The following ZNRF1 variants were observed in gnomAD, a reference collection of about 807,000 sequenced individuals.
ZNRF1 encodes the protein zinc and ring finger 1.
In ZNRF1, 3 loss-of-function variants were observed where a neutral mutation model predicts 18.4. The ratio of observed to expected loss-of-function variants is 0.16; its 90% CI spans 0.07 to 0.42. The LOEUF (loss-of-function observed/expected upper bound fraction) is 0.42. Among genes scored for constraint, ZNRF1 ranks in the 10% least tolerant of loss-of-function variants. ZNRF1 has a pLI of 0.99. For missense variants in ZNRF1, 310 were observed against 329.8 expected (o/e 0.94, Z 0.47); for synonymous variants, 157 against 144.2 (o/e 1.09, Z -0.64).
At chr16:75,021,389 G>A (rs980552328) in intron 1 of ZNRF1, among the ~76,000 whole-genome samples, 1 of 152,140 alleles carries the variant, frequency 6.6e-6, no homozygotes, top group Non-Finnish European at 1.5e-5. Context: ...CTTATTTGAT[G>A]AAGTCTGCTT....
intron 1 of ZNRF1, among the ~76,000 whole-genome samples, chr16:75,025,455 A>G (rs1196210087): frequency 4.6e-5 from 7 of 151,966 alleles, no homozygotes; most frequent in South Asian, 2.1e-4. Flanking sequence ...CTCCCTGACT[A>G]TCCCCCCAAA....
intron 1 of ZNRF1, among the ~76,000 whole-genome samples, chr16:75,011,484 TA>T (rs1415924535): frequency 6.6e-6 from 1 of 152,154 alleles, no homozygotes; most frequent in Non-Finnish European, 1.5e-5. Context: ...CCTCCTACCC[TA>T]GCCTCCTGAG....
chr16:75,015,427 G>T (rs1423913306), intron 1 of ZNRF1, among the ~76,000 whole-genome samples: 4 of 152,108 alleles, frequency 2.6e-5, no homozygotes, highest in African/African-American at 9.7e-5. Context: ...AATACAAAAT[G>T]AGCTGGGCGT....
At chr16:75,075,237 T>C (rs1868304168) in intron 1 of ZNRF1, among the ~76,000 whole-genome samples, 1 of 152,248 alleles carries the variant, frequency 6.6e-6, no homozygotes, top group Admixed American at 6.5e-5. Context: ...CTGCCAGCAG[T>C]ACTGTCAAGG....
intron 1 of ZNRF1, among the ~76,000 whole-genome samples, chr16:75,032,104 G>GTTTTTTTTTT (rs1162819265): frequency 9.2e-6 from 1 of 108,660 alleles, no homozygotes; most frequent in Non-Finnish European, 1.8e-5. Flanking sequence ...TTCTTGTGAG[G>GTTTTTTTTTT]TTTTTTTTTT....
chr16:75,049,069 A>G (rs910366935), intron 1 of ZNRF1, among the ~76,000 whole-genome samples: 16 of 151,406 alleles, frequency 1.1e-4, no homozygotes, highest in Admixed American at 1.3e-4. Flanking sequence ...CAATGGTGCA[A>G]TCTCAGCTCA....
Position 75,035,842 on chromosome 16 carries a change from G to A in ZNRF1, c.424+35747G>A, listed in dbSNP as rs539890934. On this transcript the variant is annotated intron_variant, in intron 1 of 4. Coordinates refer to ENST00000335325, the MANE Select transcript of ZNRF1 (RefSeq NM_032268.5). ...CTTGAGGCATTCCTTTACCAGCTAA[G>A]TGTTCCTAGAGAAAGGTCATAAACT... Among the ~76,000 whole-genome samples, 3 of 152,284 alleles carry A rather than the reference G, an allele frequency of 2.0e-5. No individual in the cohort carries two copies. The South Asian group carries it at 6.2e-4, about 32-fold the overall frequency.
chr16:75,016,617 C>T (rs2035074258), intron 1 of ZNRF1, among the ~76,000 whole-genome samples: 2 of 151,720 alleles, frequency 1.3e-5, no homozygotes, highest in Non-Finnish European at 2.9e-5. Flanking sequence ...CTGACTGCAA[C>T]GTCTGCCTCC....
intron 2 of ZNRF1, among the ~76,000 whole-genome samples, chr16:75,100,424 CAA>C (rs1272096667): frequency 6.6e-6 from 1 of 152,030 alleles, no homozygotes; most frequent in African/African-American, 2.4e-5. Flanking sequence ...AGGTTCGGTG[CAA>C]AAAGAGAGTC....
At chr16:75,006,460 G>C (rs1194651648) in intron 1 of ZNRF1, among the ~76,000 whole-genome samples, 1 of 152,146 alleles carries the variant, frequency 6.6e-6, no homozygotes, top group Non-Finnish European at 1.5e-5. Flanking sequence ...TATTGAGACA[G>C]AGTCTCACTC....
In ZNRF1 at chr16:75,003,909, A is replaced by T. The variant is rs1355372114; in HGVS notation, c.424+3814A>T. Among the ~76,000 whole-genome samples the T allele has an allele frequency of 3.3e-5, 5 of 152,072 alleles. No homozygotes were observed. In the East Asian group the frequency reaches 9.7e-4, roughly 29 times the overall value. On this transcript the variant is annotated intron_variant, in intron 1 of 4. Coordinates refer to ENST00000335325, the MANE Select transcript of ZNRF1 (RefSeq NM_032268.5). Reference sequence around the variant, plus strand: ...GGACATTCTAAATGGAGAGTGGTGGAGTTCCTATGGGGGCACTCTCTTATA... The same window carrying T: ...GGACATTCTAAATGGAGAGTGGTGGTGTTCCTATGGGGGCACTCTCTTATA...
intron 2 of ZNRF1, chr16:75,095,054 C>A (rs1433175905): frequency 6.6e-6 from 1 of 152,492 alleles, no homozygotes; most frequent in East Asian, 1.9e-4. Context: ...TAGGAGGGAT[C>A]ATGGTCTCAG....
At chr16:75,064,510 C>T (rs1386521936) in intron 1 of ZNRF1, among the ~76,000 whole-genome samples, 6 of 147,594 alleles carry the variant, frequency 4.1e-5, no homozygotes, top group Admixed American at 2.0e-4. Flanking sequence ...GAGCCAAGAT[C>T]GTGCCATTGC....
chr16:75,051,841 T>C (rs72800346), intron 1 of ZNRF1, among the ~76,000 whole-genome samples: 12,146 of 152,262 alleles, frequency 0.08, 616 homozygotes, highest in Middle Eastern at 0.12. Context: ...TATGTTTGTT[T>C]AATCATCACA....
chr16:75,030,206 A>G (rs1402723827), intron 1 of ZNRF1, among the ~76,000 whole-genome samples: 2 of 152,222 alleles, frequency 1.3e-5, no homozygotes, highest in Non-Finnish European at 2.9e-5. Context: ...ATGACAGTAC[A>G]GAAATAAACA....
At chr16:75,049,711 A>G (rs2035566109) in intron 1 of ZNRF1, among the ~76,000 whole-genome samples, 1 of 152,176 alleles carries the variant, frequency 6.6e-6, no homozygotes, top group African/African-American at 2.4e-5. Flanking sequence ...GGTCCTTTGT[A>G]CCTTCGCCCG....
chr16:75,085,815 A>AGAGAGAGAGAGAGAGAGT (rs889805907), intron 1 of ZNRF1, among the ~76,000 whole-genome samples: 13 of 146,834 alleles, frequency 8.9e-5, no homozygotes, highest in African/African-American at 2.4e-4. Context: ...AGAGAGAGAG[A>AGAGAGAGAGAGAGAGAGT]GAGTGAGTGT....
intron 2 of ZNRF1, chr16:75,095,584 T>C (rs2145423343): frequency 7.8e-6 from 12 of 1,536,418 alleles, no homozygotes; most frequent in East Asian, 4.9e-5. Flanking sequence ...CTGTAGACAC[T>C]GCGTTTGTTG....
At chr16:75,086,192 C>G (rs1294291871) in intron 1 of ZNRF1, among the ~76,000 whole-genome samples, 1 of 152,166 alleles carries the variant, frequency 6.6e-6, no homozygotes, top group East Asian at 1.9e-4. Context: ...TGGAACCACC[C>G]TCACAGTCAC....
Sources: gnomAD v4.1 joint callset for allele counts (sites outside exome capture counted in the v4.1 genomes callset) on GRCh38, gnomAD v4.1.1 for gene constraint, MANE v1.5 for transcripts, NCBI Gene and HGNC (gene_info 2026-07-23, HGNC 2026-07-21) for gene names.